FARP2: variants seen among roughly 807,000 people sequenced by gnomAD.
FARP2 encodes the protein FERM, ARH/RhoGEF and pleckstrin domain protein 2.
Under a neutral mutation model 130.5 loss-of-function variants are expected in FARP2, and 111 were observed. That is an observed-to-expected ratio of 0.85 (90% confidence interval 0.73 to 1.00). The LOEUF is 1.00. Among genes scored for constraint, FARP2 ranks in the 50% least tolerant of loss-of-function variants. FARP2 has a pLI of 0.00. For synonymous variants in FARP2, 504 were observed against 516.9 expected, an observed-to-expected ratio of 0.98 and a Z score of 0.34; for missense variants, 1,385 against 1,346.3, an observed-to-expected ratio of 1.03 and a Z score of -0.45.
intron 7 of FARP2, among the ~76,000 whole-genome samples, chr2:241,416,123 G>A (rs1429486049): frequency 6.6e-6 from 1 of 151,924 alleles, no homozygotes; most frequent in African/African-American, 2.4e-5. Context: ...GTGTTTCTGT[G>A]TGTGGCTCAT....
intron 22 of FARP2, 49 bp downstream of exon 22, chr2:241,490,093 G>C: frequency 7.4e-7 from 1 of 1,355,842 alleles, no homozygotes; most frequent in Non-Finnish European, 1.1e-6. Context: ...ATGGAGGGGT[G>C]GGGACTTCCT....
At chr2:241,479,189 G>A (rs1473371827) in intron 19 of FARP2, among the ~76,000 whole-genome samples, 1 of 152,220 alleles carries the variant, frequency 6.6e-6, no homozygotes, top group African/African-American at 2.4e-5. Context: ...GTGTCCCCAA[G>A]GGGAGGAGCA....
At chr2:241,369,482 T>C (rs1041678446) in intron 1 of FARP2, among the ~76,000 whole-genome samples, 5 of 152,008 alleles carry the variant, frequency 3.3e-5, no homozygotes, top group African/African-American at 1.2e-4. Flanking sequence ...TGTTTTCTCT[T>C]TATGGTTTTA....
chr2:241,493,382 C>G lies in FARP2; in HGVS notation c.2985C>G (p.Phe995Leu), dbSNP rs754098632. The change falls in exon 26 of 27, where the codon TTC becomes TTG. Residue 995 changes from phenylalanine (F) to leucine (L), a missense_variant. Transcript: ENST00000264042. ...ATGGCATACACAAAGACTATGTTTTCAAGCTCCAGTTCAAATCCCACGTCT... is the reference window on the plus strand; with the variant it reads ...ATGGCATACACAAAGACTATGTTTTGAAGCTCCAGTTCAAATCCCACGTCT... ...EADGIHKDYVFKLQFKSHVYF... is the reference protein window; with the variant it reads ...EADGIHKDYVLKLQFKSHVYF... 6.2e-7 allele frequency: 1 copy of G among 1,614,002 alleles called. No homozygotes were observed. Among genetic ancestry groups the G allele is most frequent in the Non-Finnish European group, 8.5e-7 (1 of 1,179,988 alleles).
chr2:241,377,935 T>G (rs190838955), intron 2 of FARP2, among the ~76,000 whole-genome samples: 10 of 152,150 alleles, frequency 6.6e-5, no homozygotes, highest in Non-Finnish European at 1.3e-4. Flanking sequence ...TGCCAGACTG[T>G]TTTCCAAAGT....
intron 2 of FARP2, among the ~76,000 whole-genome samples, chr2:241,378,416 A>ATTTTTTTTTTTTTTT (rs10692211): frequency 7.4e-5 from 8 of 107,668 alleles, no homozygotes; most frequent in African/African-American, 1.4e-4. Context: ...TGCCTGGCCT[A>ATTTTTTTTTTTTTTT]TTTTTTTTTT....
At chr2:241,412,543 T>C (rs1368660095) in intron 6 of FARP2, among the ~76,000 whole-genome samples, 1 of 152,196 alleles carries the variant, frequency 6.6e-6, no homozygotes, top group Non-Finnish European at 1.5e-5. Flanking sequence ...TGCTTTAAAT[T>C]ATTGAACTTT....
chr2:241,491,679 G>A lies in FARP2; in HGVS notation c.2787G>A (p.Glu929=), dbSNP rs756829676. ...VSRADHSAAV[E]NQLSGYLLRK... ...GGGCAGACCACAGTGCAGCTGTCGA[G>A]GTACGACCGCATGAGCACCACCTCA... Residue 929 remains glutamate (E), a splice_region_variant and synonymous_variant, in exon 24 of 27, where the codon GAG becomes GAA. Transcript: ENST00000264042. 1.3e-6 allele frequency: 2 copies of A among 1,592,942 alleles called. No individual in the cohort carries two copies. Among genetic ancestry groups the A allele is most frequent in the Admixed American group, 1.7e-5 (1 of 58,646 alleles).
chr2:241,494,318 C>A lies in FARP2; in HGVS notation c.*193C>A. ...CCCCCCACCCAGGACCTAGTGCATGCCAGCAGCTATCTGGGGCCCTGGGAA... is the reference window on the plus strand; with the variant it reads ...CCCCCCACCCAGGACCTAGTGCATGACAGCAGCTATCTGGGGCCCTGGGAA... On this transcript the variant is annotated 3_prime_UTR_variant, in exon 27 of 27. Transcript: ENST00000264042. The surrounding 1 kb of genome is among the most constrained non-coding windows in gnomAD (Gnocchi z 4.9). 1 of 399,156 alleles carries A rather than the reference C, an allele frequency of 2.5e-6. No homozygotes were observed. Among genetic ancestry groups the A allele is most frequent in the Non-Finnish European group, 4.6e-6 (1 of 218,900 alleles). 24.7% of individuals were successfully genotyped at this position (399,156 alleles called of 1,614,324 possible).
At chr2:241,432,706 T>C (rs2063123169) in intron 9 of FARP2, among the ~76,000 whole-genome samples, 2 of 152,250 alleles carry the variant, frequency 1.3e-5, no homozygotes, top group South Asian at 4.1e-4. Flanking sequence ...AATAAATGCC[T>C]GTGCAGTGTA....
Position 241,494,073 on chromosome 2 carries a change from GC to G in FARP2, c.3118del (p.Gln1040AsnfsTer65). 2.1e-6 allele frequency: 3 copies of G among 1,445,468 alleles called. No homozygotes were observed. The highest frequency in any genetic ancestry group is 1.7e-5 in the South Asian group (1 of 59,800). 89.5% of individuals were successfully genotyped at this position (1,445,468 alleles called of 1,614,324 possible). ...AGGGCCCCAAGCATCGTGCAGGATGGCCCCCAACCCTCCTCAGGGCTGGAGG... is the reference window on the plus strand; with the variant it reads ...AGGGCCCCAAGCATCGTGCAGGATGGCCCCAACCCTCCTCAGGGCTGGAGG... ...AGRAPSIVQD[G>X]PQPSSGLEGM... On this transcript the variant is annotated frameshift_variant, in exon 27 of 27. Coordinates refer to ENST00000264042, the MANE Select transcript of FARP2 (RefSeq NM_014808.4). LOFTEE classifies it low-confidence loss of function (END_TRUNC). This position sits in a 1 kb window ranked among gnomAD's most constrained non-coding sequence, Gnocchi z 4.9.
intron 18 of FARP2, among the ~76,000 whole-genome samples, chr2:241,470,594 G>A (rs916461324): frequency 1.3e-5 from 2 of 151,522 alleles, no homozygotes; most frequent in African/African-American, 4.9e-5. Context: ...ACTACTCTAA[G>A]AGAACCTTCT....
At chr2:241,383,583 T>C (rs1320570287) in intron 2 of FARP2, among the ~76,000 whole-genome samples, 1 of 152,170 alleles carries the variant, frequency 6.6e-6, no homozygotes, top group Admixed American at 6.5e-5. Flanking sequence ...CGTGATGACT[T>C]GGTCCAGAAC....
At chr2:241,430,820 A>G (rs1354060131) in intron 8 of FARP2, among the ~76,000 whole-genome samples, 1 of 152,154 alleles carries the variant, frequency 6.6e-6, no homozygotes, top group Non-Finnish European at 1.5e-5. Flanking sequence ...CCTGGCCAAC[A>G]TGGTGAAACC....
chr2:241,367,626 G>A (rs893249659), intron 1 of FARP2, among the ~76,000 whole-genome samples: 1 of 152,106 alleles, frequency 6.6e-6, no homozygotes, highest in Non-Finnish European at 1.5e-5. Context: ...GGTTTCTTGG[G>A]TTGGTCGTAG....
intron 13 of FARP2, chr2:241,446,942 C>G (rs1004577685): frequency 2.0e-5 from 3 of 152,106 alleles, no homozygotes. Context: ...TTGCGTTCCC[C>G]TAGGAAATGA....
intron 1 of FARP2, among the ~76,000 whole-genome samples, chr2:241,367,812 G>T (rs1236119719): frequency 1.3e-5 from 2 of 151,806 alleles, no homozygotes; most frequent in African/African-American, 4.9e-5. Context: ...AAGAGTTTTG[G>T]TAGCCAAGTC....
At position 241,489,066 on chromosome 2, in the gene FARP2, G is replaced by T. The variant is rs1348823276; in HGVS notation, c.2422-896G>T. The T allele has an allele frequency of 2.0e-5, 3 of 152,344 alleles. 1 individual carries two copies. The South Asian group carries it at 6.2e-4, about 32-fold the overall frequency. 9.4% of individuals were successfully genotyped at this position (152,344 alleles called of 1,614,324 possible). A position where few individuals can be genotyped will look rare whatever the true frequency, so the allele number is the denominator to read the frequency against. The stretch of plus-strand genomic sequence containing the variant: ...TCAGTTGAAATTGCATTAAATTTTT[G>T]TGTTAACTTACGGGAAGACTAACAT... On this transcript the variant is annotated intron_variant, in intron 21 of 26. Coordinates refer to ENST00000264042, the MANE Select transcript of FARP2 (RefSeq NM_014808.4).
At chr2:241,483,944 T>C in intron 20 of FARP2, 1 of 1,294,858 alleles carries the variant, frequency 7.7e-7, no homozygotes, top group Non-Finnish European at 9.9e-7. Context: ...GGTTCCAGCC[T>C]GAAACATGTG....
Sources: allele counts gnomAD v4.1 joint callset (sites outside exome capture counted in the v4.1 genomes callset), GRCh38; gene constraint gnomAD v4.1.1; non-coding constraint Gnocchi (gnomAD v3.1); transcripts MANE v1.5; gene names NCBI Gene and HGNC (gene_info 2026-07-23, HGNC 2026-07-21).